PITPNC1: variants seen among roughly 807,000 people sequenced by gnomAD.
PITPNC1 encodes cytoplasmic phosphatidylinositol transfer protein 1.
In PITPNC1, 18 loss-of-function variants were observed where a neutral mutation model predicts 44.7. The ratio of observed to expected loss-of-function variants is 0.40; its 90% CI spans 0.28 to 0.60. The LOEUF is 0.60. Among genes scored for constraint, PITPNC1 ranks in the 20% least tolerant of loss-of-function variants. The pLI, the probability that PITPNC1 is intolerant of heterozygous loss-of-function variation, is 0.39. For synonymous variants in PITPNC1, 141 were observed against 149.6 expected (o/e 0.94, Z 0.42); for missense variants, 290 against 418.4 (o/e 0.69, Z 2.68).
intron 5 of PITPNC1, among the ~76,000 whole-genome samples, chr17:67,588,074 C>G (rs991916700): frequency 1.3e-5 from 2 of 152,136 alleles, no homozygotes; most frequent in Non-Finnish European, 2.9e-5. Flanking sequence ...CGTGATCTCA[C>G]CTCACTACAA....
intron 2 of PITPNC1, among the ~76,000 whole-genome samples, chr17:67,547,493 G>A (rs2040700324): frequency 6.6e-6 from 1 of 152,148 alleles, no homozygotes; most frequent in Non-Finnish European, 1.5e-5. Flanking sequence ...TCCAGCCTGG[G>A]CAACAGAGCG....
intron 5 of PITPNC1, among the ~76,000 whole-genome samples, chr17:67,596,276 G>T (rs1366170332): frequency 6.6e-6 from 1 of 152,082 alleles, no homozygotes; most frequent in Admixed American, 6.5e-5. Flanking sequence ...TATTTGCTTG[G>T]AACCATCTGG....
chr17:67,457,917 A>C (rs939595100), intron 1 of PITPNC1: 6 of 152,224 alleles, frequency 3.9e-5, no homozygotes, highest in African/African-American at 1.4e-4. Context: ...TGGAGGAAGC[A>C]TAGTTGACTG....
At chr17:67,663,399 T>C (rs1248878487) in intron 6 of PITPNC1, among the ~76,000 whole-genome samples, 1 of 151,704 alleles carries the variant, frequency 6.6e-6, no homozygotes, top group Non-Finnish European at 1.5e-5. Context: ...GAAACCCCCG[T>C]CTCTCCTAAA....
At chr17:67,678,536 G>A (rs1304820711) in intron 8 of PITPNC1, among the ~76,000 whole-genome samples, 2 of 152,064 alleles carry the variant, frequency 1.3e-5, no homozygotes, top group Admixed American at 1.3e-4. Context: ...CTCAGCAGTG[G>A]TCTGAGAACT....
chr17:67,555,956 C>A (rs568258045), intron 4 of PITPNC1, among the ~76,000 whole-genome samples: 1 of 152,326 alleles, frequency 6.6e-6, no homozygotes, highest in African/African-American at 2.4e-5. Flanking sequence ...TTTGGGGTCA[C>A]AATCTGGTTG....
chr17:67,517,915 C>A (rs1027798633), intron 1 of PITPNC1, among the ~76,000 whole-genome samples: 1 of 152,162 alleles, frequency 6.6e-6, no homozygotes, highest in Non-Finnish European at 1.5e-5. Context: ...TCTATATGCT[C>A]AACTACAGAG....
chr17:67,582,451 CGAT>C (rs2041248172), intron 5 of PITPNC1, among the ~76,000 whole-genome samples: 1 of 151,954 alleles, frequency 6.6e-6, no homozygotes, highest in Admixed American at 6.6e-5. Flanking sequence ...AAATTGATGA[CGAT>C]AAGAAGCAAT....
intron 5 of PITPNC1, among the ~76,000 whole-genome samples, chr17:67,626,081 G>C (rs1262986013): frequency 1.3e-5 from 2 of 151,738 alleles, no homozygotes; most frequent in African/African-American, 2.4e-5. Flanking sequence ...CTGCCTCTCG[G>C]CTCAAGAGAT....
intron 1 of PITPNC1, among the ~76,000 whole-genome samples, chr17:67,425,045 C>G (rs1474995455): frequency 6.6e-6 from 1 of 151,932 alleles, no homozygotes; most frequent in Admixed American, 6.6e-5. Context: ...TTTGTGAGAT[C>G]CACCCCCTGC....
intron 5 of PITPNC1, among the ~76,000 whole-genome samples, chr17:67,596,181 G>C (rs563022936): frequency 6.6e-6 from 1 of 152,194 alleles, no homozygotes; most frequent in Admixed American, 6.5e-5. Flanking sequence ...GAACGTCCTC[G>C]GGAATGAAGG....
At chr17:67,443,854 C>T (rs528222756) in intron 1 of PITPNC1, among the ~76,000 whole-genome samples, 2 of 151,940 alleles carry the variant, frequency 1.3e-5, no homozygotes, top group African/African-American at 2.4e-5. Context: ...AGGCTGGTCT[C>T]GAACTCCTGA....
intron 6 of PITPNC1, among the ~76,000 whole-genome samples, chr17:67,643,689 C>T (rs1186624455): frequency 1.3e-5 from 2 of 152,192 alleles, no homozygotes; most frequent in African/African-American, 4.8e-5. Flanking sequence ...GTCTGAGTCC[C>T]TCCCTCCCTT....
At chr17:67,607,922 G>C (rs761783509) in intron 5 of PITPNC1, among the ~76,000 whole-genome samples, 7 of 151,780 alleles carry the variant, frequency 4.6e-5, no homozygotes, top group Non-Finnish European at 1.0e-4. Flanking sequence ...TAGAGATGGG[G>C]TTTCACCCTG....
At chr17:67,626,831 A>C (rs896390224) in intron 5 of PITPNC1, among the ~76,000 whole-genome samples, 5 of 152,112 alleles carry the variant, frequency 3.3e-5, no homozygotes, top group East Asian at 1.9e-4. Context: ...AAAAAAAAAA[A>C]AAAACCTAAG....
chr17:67,452,625 T>C (rs1256205790), intron 1 of PITPNC1, among the ~76,000 whole-genome samples: 1 of 150,604 alleles, frequency 6.6e-6, no homozygotes, highest in Non-Finnish European at 1.5e-5. Flanking sequence ...CCCAAGTAGC[T>C]GGGACTACAG....
chr17:67,537,739 G>A (rs1005355179), intron 2 of PITPNC1, among the ~76,000 whole-genome samples: 16 of 152,170 alleles, frequency 1.1e-4, no homozygotes, highest in Admixed American at 3.9e-4. Context: ...TTGGGAGGTC[G>A]AGGTGGGCGA....
At chr17:67,605,382 C>T (rs147983840) in intron 5 of PITPNC1, among the ~76,000 whole-genome samples, 180 of 152,294 alleles carry the variant, frequency 1.2e-3, no homozygotes, top group Non-Finnish European at 2.1e-3. Flanking sequence ...GTCTGCAAGA[C>T]CTTGGACTCA....
intron 1 of PITPNC1, among the ~76,000 whole-genome samples, chr17:67,498,274 G>A (rs972189056): frequency 4.6e-5 from 7 of 151,888 alleles, no homozygotes; most frequent in African/African-American, 1.7e-4. Context: ...ATTAATTTAG[G>A]AACTCTTTAT....
Sources: gnomAD v4.1 joint callset for allele counts (sites outside exome capture counted in the v4.1 genomes callset) on GRCh38, gnomAD v4.1.1 for gene constraint, MANE v1.5 for transcripts, NCBI Gene and HGNC (gene_info 2026-07-23, HGNC 2026-07-21) for gene names.